Variants in NCAPG2 observed in about 807,000 individuals in gnomAD.
NCAPG2 encodes the protein condensin-2 complex subunit G2.
In NCAPG2, 53 loss-of-function variants were observed where a neutral mutation model predicts 141.1. That is an observed-to-expected ratio of 0.38 (90% CI 0.30 to 0.47). The LOEUF is 0.47. Ranked by LOEUF, NCAPG2 falls within the 20% of genes least tolerant of loss-of-function variation. NCAPG2 has a pLI of 0.99. For synonymous variants in NCAPG2, 499 were observed against 490.7 expected, an observed-to-expected ratio of 1.02 and a Z score of -0.22; for missense variants, 1,087 against 1,389.0, an observed-to-expected ratio of 0.78 and a Z score of 3.46.
intron 2 of NCAPG2, among the ~76,000 whole-genome samples, chr7:158,694,614 T>C (rs1835332480): frequency 6.6e-6 from 1 of 152,112 alleles, no homozygotes; most frequent in African/African-American, 2.4e-5. Context: ...CAGATGCAAA[T>C]TGAAGGCTAT....
chr7:158,637,407 T>C (rs1337450509), intron 27 of NCAPG2, among the ~76,000 whole-genome samples: 2 of 80,854 alleles, frequency 2.5e-5, no homozygotes, highest in African/African-American at 9.5e-5. Flanking sequence ...TGCTGGAAGG[T>C]CACTGGGGAA....
At chr7:158,641,655 A>T in intron 27 of NCAPG2, 1 of 442,332 alleles carries the variant, frequency 2.3e-6, no homozygotes, top group East Asian at 3.4e-5. Context: ...GGCAGAGCAG[A>T]ATTCACAGTA....
At chr7:158,669,622 C>T (rs548292293) in intron 13 of NCAPG2, among the ~76,000 whole-genome samples, 53 of 151,332 alleles carry the variant, frequency 3.5e-4, no homozygotes, top group East Asian at 3.9e-4. Context: ...AAAAAAAATT[C>T]GCCGGGCATG....
intron 3 of NCAPG2, 36 bp from the exon 4 acceptor site, chr7:158,692,992 A>T (rs1835225849): frequency 1.2e-5 from 16 of 1,335,118 alleles, no homozygotes; most frequent in Non-Finnish European, 1.7e-5. Context: ...GTGAATTAAA[A>T]TCATCAACTT....
At chr7:158,650,693 C>CT in intron 24 of NCAPG2, 139 bp downstream of exon 24, 2 of 1,070,290 alleles carry the variant, frequency 1.9e-6, no homozygotes, top group Non-Finnish European at 2.6e-6. Flanking sequence ...GGTGTAGCTG[C>CT]TAGGAAAGTG....
chr7:158,644,259 G>T, intron 27 of NCAPG2, 30 bp downstream of exon 27: 1 of 1,531,996 alleles, frequency 6.5e-7, no homozygotes, highest in African/African-American at 1.4e-5. Context: ...AGTTTTAGAT[G>T]ATCACATCTG....
intron 13 of NCAPG2, among the ~76,000 whole-genome samples, chr7:158,666,579 C>T (rs963142334): frequency 1.3e-5 from 2 of 151,214 alleles, no homozygotes; most frequent in African/African-American, 4.9e-5. Flanking sequence ...CTTTCATTAT[C>T]ACACAAATGC....
intron 27 of NCAPG2, among the ~76,000 whole-genome samples, chr7:158,643,163 CA>C (rs1212728544): frequency 6.6e-6 from 1 of 152,122 alleles, no homozygotes; most frequent in African/African-American, 2.4e-5. Context: ...AGGATTTCAC[CA>C]TGTTGGCCAG....
In NCAPG2 at chr7:158,680,778, C is replaced by G. The variant is rs1834402780; in HGVS notation, c.963G>C (p.Gln321His). Residue 321 changes from glutamine to histidine, a missense_variant, in exon 10 of 28, where the codon CAG becomes CAC. Physicochemically the swap from Gln to His is conservative, Grantham distance 24. Transcript: ENST00000356309. ...ATCTATAAAGCATCTCTTCCACTCC[C>G]TGCCGAACTTTCTTTTGATGGTGAA... ...SYFHHQKKVR[Q>H]GVEEMLYRLY... The G allele has an allele frequency of 6.9e-6, 11 of 1,605,828 alleles. No individual in the cohort carries two copies. The highest frequency in any genetic ancestry group is 3.4e-5 in the Admixed American group (2 of 59,404).
intron 5 of NCAPG2, among the ~76,000 whole-genome samples, chr7:158,690,294 T>C (rs942720272): frequency 6.6e-5 from 10 of 152,222 alleles, no homozygotes; most frequent in African/African-American, 2.2e-4. Flanking sequence ...AGGAACTGAA[T>C]TTTTCATTAT....
At position 158,656,443 on chromosome 7, in the gene NCAPG2, G is replaced by A; in HGVS notation, c.2215-10C>T. On this transcript the variant is annotated splice_polypyrimidine_tract_variant and intron_variant, in intron 18 of 27. Coordinates refer to ENST00000356309, the MANE Select transcript of NCAPG2 (RefSeq NM_017760.7). ...TAGAAGCTGTGTTGCTCTGAAAGAAGAGAGAGAGAAACTGATAATGAAAAC... is the reference window on the plus strand; with the variant it reads ...TAGAAGCTGTGTTGCTCTGAAAGAAAAGAGAGAGAAACTGATAATGAAAAC... The A allele has an allele frequency of 1.2e-6, 2 of 1,611,530 alleles. No individual in the cohort carries two copies. Among genetic ancestry groups the A allele is most frequent in the South Asian group, 2.2e-5 (2 of 90,654 alleles).
At chr7:158,693,198 A>G (rs1587295355) in intron 3 of NCAPG2, 111 bp downstream of exon 3, 7 of 1,204,534 alleles carry the variant, frequency 5.8e-6, no homozygotes, top group South Asian at 1.4e-5. Context: ...AAAATTCTTG[A>G]CTTCTAACTT....
At position 158,648,545 on chromosome 7, in the gene NCAPG2, C is replaced by T. The variant is rs935741473; in HGVS notation, c.3076-1982G>A. Among the ~76,000 whole-genome samples, 40 of 145,038 alleles carry T rather than the reference C, an allele frequency of 2.8e-4. 7 individuals are homozygous for T. The highest frequency in any genetic ancestry group is 7.1e-3 in the Middle Eastern group (2 of 280). ...AACCACGCCAAATGGACGACAACCA[C>T]GGCAAATGGACGACAACCACGCCAA... On this transcript the variant is annotated intron_variant, in intron 24 of 27. Transcript: ENST00000356309.
At chr7:158,647,036 A>G (rs1193758310) in intron 24 of NCAPG2, among the ~76,000 whole-genome samples, 2 of 152,086 alleles carry the variant, frequency 1.3e-5, no homozygotes, top group Non-Finnish European at 2.9e-5. Context: ...ATATGACAAA[A>G]AAAAAAAAAA....
intron 14 of NCAPG2, 107 bp from the exon 15 acceptor site, chr7:158,664,403 G>C (rs2290392): frequency 0.59 from 876,256 of 1,493,886 alleles, 262,429 homozygotes; most frequent in Non-Finnish European, 0.62. Flanking sequence ...CTATTTTAAG[G>C]GAAATCATTC....
At chr7:158,641,547 C>A (rs1830644590) in intron 27 of NCAPG2, 2 of 638,618 alleles carry the variant, frequency 3.1e-6, no homozygotes, top group South Asian at 1.7e-5. Flanking sequence ...CACAGCAAGT[C>A]CTCATATCTT....
chr7:158,641,559 GAAAAAAA>G lies in NCAPG2; in HGVS notation c.3380+2723_3380+2729del, dbSNP rs74999655. On this transcript the variant is annotated intron_variant, in intron 27 of 27. Coordinates refer to ENST00000356309, the MANE Select transcript of NCAPG2 (RefSeq NM_017760.7). ...CAACACAGCAAGTCCTCATATCTTG[GAAAAAAA>G]AAAAAAAAGGAAATGAATAAAAAGA... 7.1e-3 allele frequency: 3,456 copies of G among 484,316 alleles called. 100 individuals carry two copies. The African/African-American group carries it at 0.077, about 11-fold the overall frequency. The allele number at this position is 484,316 out of a possible 1,614,324, so 30.0% of individuals were successfully genotyped here. A position where few individuals can be genotyped will look rare whatever the true frequency, so the allele number is the denominator to read the frequency against.
intron 2 of NCAPG2, among the ~76,000 whole-genome samples, chr7:158,701,182 T>C (rs2167910): frequency 0.86 from 130,271 of 152,192 alleles, 56,035 homozygotes; most frequent in South Asian, 0.92. Context: ...ATCAGTCCAA[T>C]AGTGCCATCA....
intron 13 of NCAPG2, chr7:158,668,516 G>A: frequency 5.1e-6 from 4 of 791,998 alleles, no homozygotes; most frequent in Non-Finnish European, 6.1e-6. Context: ...AAAACAATAT[G>A]ATGTCTGGAA....
Sources: allele counts gnomAD v4.1 joint callset (sites outside exome capture counted in the v4.1 genomes callset), GRCh38; gene constraint gnomAD v4.1.1; transcripts MANE v1.5; gene names NCBI Gene and HGNC (gene_info 2026-07-23, HGNC 2026-07-21).